Variants in QTMAN observed in about 807,000 individuals in gnomAD.
QTMAN encodes queuosine-tRNA mannosyltransferase, also known as tRNA-queuosine alpha-mannosyltransferase.
chr2:144,069,978 A>G, the QTMAN span, among the ~76,000 whole-genome samples: 1 of 152,136 alleles, frequency 6.6e-6, no homozygotes, highest in Non-Finnish European at 1.5e-5. Flanking sequence ...ATTAAAAAAT[A>G]TTATTGCTCT....
the QTMAN span, among the ~76,000 whole-genome samples, chr2:144,114,070 A>G: frequency 1.3e-5 from 2 of 152,180 alleles, no homozygotes; most frequent in African/African-American, 4.8e-5. Context: ...GAGCTGTGAT[A>G]CAGAGAAAGG....
the QTMAN span, among the ~76,000 whole-genome samples, chr2:144,297,739 C>A: frequency 6.6e-6 from 1 of 151,706 alleles, no homozygotes; most frequent in Non-Finnish European, 1.5e-5. Flanking sequence ...TGCCACCACA[C>A]CTGGCTAATT....
chr2:144,126,375 A>G, the QTMAN span, among the ~76,000 whole-genome samples: 1 of 151,972 alleles, frequency 6.6e-6, no homozygotes, highest in Non-Finnish European at 1.5e-5. Flanking sequence ...AGAGATCAGG[A>G]CTTTTTAAAG....
the QTMAN span, among the ~76,000 whole-genome samples, chr2:144,177,956 G>A: frequency 1.3e-5 from 2 of 152,008 alleles, no homozygotes; most frequent in African/African-American, 4.8e-5. Context: ...AATACATCTA[G>A]TTCAGACTAG....
At chr2:144,234,327 T>C in the QTMAN span, among the ~76,000 whole-genome samples, 3 of 152,270 alleles carry the variant, frequency 2.0e-5, no homozygotes, top group Non-Finnish European at 4.4e-5. Context: ...TTCAACTAAA[T>C]ATACTATCTG....
chr2:143,983,472 T>G, the QTMAN span, among the ~76,000 whole-genome samples: 2 of 143,230 alleles, frequency 1.4e-5, no homozygotes, highest in Non-Finnish European at 3.1e-5. Context: ...TTTGAGGTTT[T>G]TTTTTTTTTT....
At chr2:144,054,482 A>C in the QTMAN span, among the ~76,000 whole-genome samples, 1 of 152,232 alleles carries the variant, frequency 6.6e-6, no homozygotes, top group Non-Finnish European at 1.5e-5. Context: ...GCCTGAAGTC[A>C]CATGAGTAGC....
the QTMAN span, among the ~76,000 whole-genome samples, chr2:144,286,624 T>G: frequency 8.3e-4 from 126 of 152,308 alleles, no homozygotes; most frequent in African/African-American, 2.9e-3. Context: ...AAAGACAAAG[T>G]CATGGCATCT....
chr2:144,300,367 C>T, the QTMAN span, among the ~76,000 whole-genome samples: 2 of 151,862 alleles, frequency 1.3e-5, no homozygotes, highest in Non-Finnish European at 2.9e-5. Flanking sequence ...AATGAACAAG[C>T]GGGGAAAAAT....
chr2:144,185,452 C>T, the QTMAN span, among the ~76,000 whole-genome samples: 37 of 152,302 alleles, frequency 2.4e-4, no homozygotes, highest in Middle Eastern at 3.4e-3. Flanking sequence ...GGTTCTCTAA[C>T]GTTCCATTGG....
chr2:144,144,088 C>A, the QTMAN span, among the ~76,000 whole-genome samples: 2 of 151,856 alleles, frequency 1.3e-5, no homozygotes, highest in African/African-American at 2.4e-5. Context: ...ATAAGTTTAC[C>A]CTCTTGAGAA....
chr2:144,284,256 T>A, the QTMAN span, among the ~76,000 whole-genome samples: 1 of 151,868 alleles, frequency 6.6e-6, no homozygotes, highest in Non-Finnish European at 1.5e-5. Context: ...ATACCTCCCA[T>A]GGAAAAAAAT....
At chr2:144,279,826 G>A in the QTMAN span, among the ~76,000 whole-genome samples, 1 of 152,184 alleles carries the variant, frequency 6.6e-6, no homozygotes, top group South Asian at 2.1e-4. Context: ...TCCCAGAGCA[G>A]GGGCTAGGGA....
At chr2:144,290,013 A>C in the QTMAN span, among the ~76,000 whole-genome samples, 3 of 152,228 alleles carry the variant, frequency 2.0e-5, no homozygotes, top group Non-Finnish European at 4.4e-5. Context: ...GTTTCAGCCA[A>C]TCAAAGACAG....
chr2:144,022,589 T>C, the QTMAN span, among the ~76,000 whole-genome samples: 1 of 143,646 alleles, frequency 7.0e-6, no homozygotes, highest in Non-Finnish European at 1.5e-5. Context: ...TTTTGAGATG[T>C]AGTCTTGCTC....
At chr2:144,213,971 C>A in the QTMAN span, among the ~76,000 whole-genome samples, 1 of 152,054 alleles carries the variant, frequency 6.6e-6, no homozygotes, top group East Asian at 1.9e-4. Context: ...TAAAATAGGG[C>A]AGGGGTGAGA....
At chr2:144,204,643 G>C in the QTMAN span, among the ~76,000 whole-genome samples, 1 of 152,232 alleles carries the variant, frequency 6.6e-6, no homozygotes, top group African/African-American at 2.4e-5. Context: ...TCATTACTGG[G>C]TATATGCCCA....
At chr2:144,196,251 T>C in the QTMAN span, among the ~76,000 whole-genome samples, 2 of 150,520 alleles carry the variant, frequency 1.3e-5, no homozygotes, top group African/African-American at 4.9e-5. Context: ...ACACACGAAA[T>C]ATATATATAA....
At chr2:144,165,787 A>T in the QTMAN span, among the ~76,000 whole-genome samples, 40 of 152,180 alleles carry the variant, frequency 2.6e-4, no homozygotes, top group African/African-American at 9.4e-4. Context: ...CCTTTGACTC[A>T]CTCTCCCTGA....
Sources: allele counts gnomAD v4.1 joint callset (sites outside exome capture counted in the v4.1 genomes callset), GRCh38; gene constraint gnomAD v4.1.1; transcripts MANE v1.5; gene names NCBI Gene and HGNC (gene_info 2026-07-23, HGNC 2026-07-21).